The following ARMH3 variants were observed in gnomAD, a reference collection of about 807,000 sequenced individuals.
The protein encoded by ARMH3 is armadillo like helical domain containing 3, also known as armadillo-like helical domain-containing protein 3.
A neutral mutation model predicts 99.1 loss-of-function variants in ARMH3; 60 were observed. The observed-to-expected ratio is 0.61, with a 90% CI of 0.49 to 0.75. ARMH3 has a LOEUF of 0.75. Among genes scored for constraint, ARMH3 ranks in the 30% least tolerant of loss-of-function variants. The probability of loss-of-function intolerance (pLI) is 0.00; values close to 1 mark genes in which losing one functional copy is unlikely to be tolerated. For missense variants in ARMH3, 679 were observed against 843.1 expected, an observed-to-expected ratio of 0.81 and a Z score of 2.41; for synonymous variants, 285 against 292.8, an observed-to-expected ratio of 0.97 and a Z score of 0.27.
rs200513572 is a variant in ARMH3 at position 101,875,232 on chromosome 10, G to GA, written c.1860+14179dup. Among the ~76,000 whole-genome samples, 1,044 of 141,658 alleles carry GA rather than the reference G, an allele frequency of 7.4e-3. 6 individuals carry two copies. Among genetic ancestry groups the GA allele is most frequent in the African/African-American group, 0.02 (765 of 38,680 alleles). The allele number at this position is 141,658 out of a possible 152,430, so 92.9% of individuals were successfully genotyped here. On this transcript the variant is annotated intron_variant, in intron 24 of 25. Transcript: ENST00000370033. ...AACACTTTAGTAGCCCAAAGTGACT[G>GA]AAAAAAAAAAAATAGCCAAAAGCAC...
At chr10:102,014,958 C>G (rs780356468) in intron 8 of ARMH3, among the ~76,000 whole-genome samples, 1 of 152,126 alleles carries the variant, frequency 6.6e-6, no homozygotes, top group Non-Finnish European at 1.5e-5. Flanking sequence ...AAACTCATAA[C>G]TAAGAAACTT....
chr10:101,905,793 T>C (rs530208624), intron 23 of ARMH3, among the ~76,000 whole-genome samples: 2 of 152,306 alleles, frequency 1.3e-5, no homozygotes, highest in Admixed American at 1.3e-4. Flanking sequence ...AATGAAATAT[T>C]TCAGATGTAC....
intron 23 of ARMH3, among the ~76,000 whole-genome samples, chr10:101,913,631 G>C (rs577767464): frequency 1.3e-5 from 2 of 152,318 alleles, no homozygotes; most frequent in South Asian, 4.1e-4. Flanking sequence ...CTCCCAAAGT[G>C]CTGGGATTAT....
intron 23 of ARMH3, among the ~76,000 whole-genome samples, chr10:101,914,508 C>T (rs949608175): frequency 2.1e-4 from 31 of 147,960 alleles, no homozygotes; most frequent in Admixed American, 9.5e-4. Flanking sequence ...AAAAAAGATA[C>T]GATACCCTGC....
intron 23 of ARMH3, among the ~76,000 whole-genome samples, chr10:101,896,505 G>C (rs1437629109): frequency 6.6e-6 from 1 of 152,194 alleles, no homozygotes; most frequent in African/African-American, 2.4e-5. Context: ...AGATTGTGAT[G>C]ATGGTTGTAC....
rs201207647 is a variant in ARMH3 at position 101,847,550 on chromosome 10, T to C, written c.2048A>G (p.Lys683Arg). The C allele has an allele frequency of 2.5e-4, 403 of 1,614,142 alleles. 1 individual carries two copies. The Middle Eastern group carries it at 3.5e-3, about 14-fold the overall frequency. ...GCCTCAGGAGATAGTGGAGAACTCC[T>C]TGAGCAGGACTTCTTGGCTGAGTGT... is the stretch of plus-strand genomic sequence containing the variant. Reference protein sequence around the residue: ...FHTLSQEVLLKEFSTIS With the variant: ...FHTLSQEVLLREFSTIS The change falls in exon 26 of 26, where the codon AAG (lysine) becomes AGG (arginine). Residue 683 changes from lysine to arginine, a missense_variant. Transcript: ENST00000370033.
At chr10:101,894,669 T>C (rs980798262) in intron 23 of ARMH3, among the ~76,000 whole-genome samples, 6 of 152,286 alleles carry the variant, frequency 3.9e-5, no homozygotes, top group African/African-American at 9.6e-5. Flanking sequence ...CAAAAGGATT[T>C]ACTACCATCT....
At chr10:101,937,706 A>G (rs766397449) in intron 23 of ARMH3, among the ~76,000 whole-genome samples, 1 of 152,202 alleles carries the variant, frequency 6.6e-6, no homozygotes, top group East Asian at 1.9e-4. Flanking sequence ...GTAGCATAAG[A>G]AAGAGTAGCA....
chr10:102,040,145 T>C lies in ARMH3; in HGVS notation c.-11-20A>G, dbSNP rs755911413. ...GAGAATCTGTGAACAGAAAGTCACATTTTAGAATAGTGAAAATACTCAGTA... is the reference window on the plus strand; with the variant it reads ...GAGAATCTGTGAACAGAAAGTCACACTTTAGAATAGTGAAAATACTCAGTA... On this transcript the variant is annotated intron_variant, in intron 1 of 25. Coordinates refer to ENST00000370033, the MANE Select transcript of ARMH3 (RefSeq NM_024541.3). 2.9e-5 allele frequency: 45 copies of C among 1,575,882 alleles called. No homozygotes were observed. The highest frequency in any genetic ancestry group is 1.7e-4 in the Middle Eastern group (1 of 6,024).
At chr10:101,950,732 A>G (rs971975661) in intron 22 of ARMH3, among the ~76,000 whole-genome samples, 1 of 152,228 alleles carries the variant, frequency 6.6e-6, no homozygotes, top group Non-Finnish European at 1.5e-5. Flanking sequence ...CATTTATATA[A>G]AATGTCCAGA....
intron 2 of ARMH3, among the ~76,000 whole-genome samples, chr10:102,036,428 T>C (rs569811383): frequency 3.3e-5 from 5 of 152,142 alleles, no homozygotes; most frequent in African/African-American, 1.2e-4. Flanking sequence ...TTTTGTGGAA[T>C]AGAAAAGGGG....
At chr10:101,932,321 T>C (rs2135674534) in intron 23 of ARMH3, among the ~76,000 whole-genome samples, 1 of 152,122 alleles carries the variant, frequency 6.6e-6, no homozygotes, top group East Asian at 1.9e-4. Context: ...GTGAAGAAAT[T>C]GGAAAGTAAC....
chr10:101,961,073 TG>T (rs757840050), intron 20 of ARMH3, among the ~76,000 whole-genome samples: 2 of 152,194 alleles, frequency 1.3e-5, no homozygotes, highest in Non-Finnish European at 2.9e-5. Flanking sequence ...GTCATTTTCA[TG>T]TATTTGGTCC....
At chr10:101,865,806 A>T (rs1220907512) in intron 24 of ARMH3, among the ~76,000 whole-genome samples, 1 of 151,890 alleles carries the variant, frequency 6.6e-6, no homozygotes, top group Non-Finnish European at 1.5e-5. Context: ...ATATTTTCAT[A>T]GCCATCTCCT....
chr10:102,026,573 A>G (rs971402854), intron 5 of ARMH3, among the ~76,000 whole-genome samples: 7 of 152,238 alleles, frequency 4.6e-5, no homozygotes, highest in African/African-American at 1.7e-4. Context: ...TCAAAGACAC[A>G]TAAGGAAAGA....
At chr10:101,911,367 AG>A (rs1262490200) in intron 23 of ARMH3, among the ~76,000 whole-genome samples, 1 of 152,234 alleles carries the variant, frequency 6.6e-6, no homozygotes, top group Non-Finnish European at 1.5e-5. Context: ...GGTCTGGAGC[AG>A]GAAGTGTAGA....
chr10:101,965,684 A>G (rs1423566316), intron 20 of ARMH3, among the ~76,000 whole-genome samples: 1 of 152,244 alleles, frequency 6.6e-6, no homozygotes, highest in African/African-American at 2.4e-5. Context: ...GTATTATATT[A>G]CACATTAAAT....
At chr10:101,954,989 CG>C (rs1174357880) in intron 22 of ARMH3, among the ~76,000 whole-genome samples, 1 of 152,146 alleles carries the variant, frequency 6.6e-6, no homozygotes, top group Admixed American at 6.5e-5. Context: ...TTCCTTTTCT[CG>C]TTGAAAAGCA....
chr10:102,048,551 C>G (rs554788349), intron 1 of ARMH3, among the ~76,000 whole-genome samples: 3 of 152,288 alleles, frequency 2.0e-5, no homozygotes, highest in South Asian at 4.1e-4. Flanking sequence ...CTCAGCCTCC[C>G]AAGTAGCTGG....
Sources: gnomAD v4.1 joint callset for allele counts (sites outside exome capture counted in the v4.1 genomes callset) on GRCh38, gnomAD v4.1.1 for gene constraint, MANE v1.5 for transcripts, NCBI Gene and HGNC (gene_info 2026-07-23, HGNC 2026-07-21) for gene names.